Variants in NAA15 observed in about 807,000 individuals in gnomAD.
NAA15 encodes the protein N-alpha-acetyltransferase 15, NatA auxiliary subunit, also known as N-terminal acetyltransferase.
In NAA15, 34 loss-of-function variants were observed where a neutral mutation model predicts 114.0. The ratio of observed to expected loss-of-function variants is 0.30; its 90% CI spans 0.23 to 0.40. The LOEUF is 0.40. Among genes scored for constraint, NAA15 ranks in the 10% least tolerant of loss-of-function variants. The pLI, the probability that NAA15 is intolerant of heterozygous loss-of-function variation, is 1.00. For synonymous variants in NAA15, 340 were observed against 338.0 expected, an observed-to-expected ratio of 1.01 and a Z score of -0.06; for missense variants, 658 against 1,004.5, an observed-to-expected ratio of 0.66 and a Z score of 4.66.
chr4:139,376,583 A>T, intron 16 of NAA15, 110 bp downstream of exon 16: 1 of 704,434 alleles, frequency 1.4e-6, no homozygotes, highest in East Asian at 2.6e-5. Flanking sequence ...GCAAATGCCA[A>T]CGCAGCTTTC....
At chr4:139,366,607 T>G (rs1159812387) in intron 14 of NAA15, among the ~76,000 whole-genome samples, 6 of 151,140 alleles carry the variant, frequency 4.0e-5, no homozygotes, top group South Asian at 2.1e-4. Flanking sequence ...TTTTGGGTTT[T>G]TTTTTTTTTT....
At chr4:139,312,202 A>G (rs1305318454) in intron 1 of NAA15, among the ~76,000 whole-genome samples, 1 of 151,954 alleles carries the variant, frequency 6.6e-6, no homozygotes, top group Non-Finnish European at 1.5e-5. Context: ...TTAGTGAGAA[A>G]TAGTTCTGAA....
chr4:139,315,055 GTTTA>G (rs1560953047), intron 1 of NAA15, among the ~76,000 whole-genome samples: 2,074 of 127,324 alleles, frequency 0.016, 135 homozygotes, highest in Middle Eastern at 0.05. Flanking sequence ...GGTTAGGTTA[GTTTA>G]GTTTAGTTTA....
At chr4:139,315,001 T>TTCAGGTTAGGTTAGGTTAGGTTAGG (rs1181192026) in intron 1 of NAA15, among the ~76,000 whole-genome samples, 5 of 74,346 alleles carry the variant, frequency 6.7e-5, no homozygotes. Flanking sequence ...TTCAGTTCAG[T>TTCAGGTTAGGTTAGGTTAGGTTAGG]TTAGTTTAGG....
Position 139,351,447 on chromosome 4 carries a change from T to C in NAA15, c.908-58T>C, listed in dbSNP as rs1012663772. ...AGTTGGTAAATGTAAGTAAATACTT[T>C]GGTAAATGTAAGTAAATACTTGATA... On this transcript the variant is annotated intron_variant, in intron 8 of 19. Coordinates refer to ENST00000296543, the MANE Select transcript of NAA15 (RefSeq NM_057175.5). The C allele has an allele frequency of 1.0e-5, 12 of 1,154,258 alleles. No homozygotes were observed. The Admixed American group carries it at 1.7e-4, about 16-fold the overall frequency. The allele number at this position is 1,154,258 out of a possible 1,614,324, so 71.5% of individuals were successfully genotyped here. A position where few individuals can be genotyped will look rare whatever the true frequency, so the allele number is the denominator to read the frequency against.
chr4:139,359,826 A>G lies in NAA15; in HGVS notation c.1341A>G (p.Lys447=), dbSNP rs778161401. The change falls in exon 12 of 20, where the codon AAA becomes AAG. Residue 447 remains lysine, a synonymous_variant. Coordinates refer to ENST00000296543, the MANE Select transcript of NAA15 (RefSeq NM_057175.5). ...CAGCAGACAGATTTATCAACTCCAA[A>G]TGTGCAAAATACATGCTAAAAGCCA... ...LDTADRFINS[K]CAKYMLKANL... 1 of 1,607,756 alleles carries G rather than the reference A, an allele frequency of 6.2e-7. No individual in the cohort carries two copies. The highest frequency in any genetic ancestry group is 1.1e-5 in the South Asian group (1 of 89,354).
Position 139,347,069 on chromosome 4 carries a change from A to T in NAA15, c.692-2393A>T, listed in dbSNP as rs184418095. Among the ~76,000 whole-genome samples, 4 of 150,456 alleles carry T rather than the reference A, an allele frequency of 2.7e-5. No homozygotes were observed. The East Asian group carries it at 7.8e-4, about 29-fold the overall frequency. Reference sequence around the variant, plus strand: ...ACTACAGGTGCGAACCATCGTACTCAGCTATGGGTTATTTTTAGTGTTTTT... The same window carrying T: ...ACTACAGGTGCGAACCATCGTACTCTGCTATGGGTTATTTTTAGTGTTTTT... On this transcript the variant is annotated intron_variant, in intron 6 of 19. Coordinates refer to ENST00000296543, the MANE Select transcript of NAA15 (RefSeq NM_057175.5).
intron 1 of NAA15, among the ~76,000 whole-genome samples, chr4:139,321,810 T>A (rs11726301): frequency 6.6e-6 from 1 of 152,046 alleles, no homozygotes; most frequent in Admixed American, 6.6e-5. Flanking sequence ...GTTGCCTTTG[T>A]GTTTTGCTTT....
At chr4:139,312,097 C>T (rs528408432) in intron 1 of NAA15, among the ~76,000 whole-genome samples, 1 of 152,024 alleles carries the variant, frequency 6.6e-6, no homozygotes, top group Non-Finnish European at 1.5e-5. Context: ...AGTCACATAA[C>T]AGTGAGCTTA....
At chr4:139,359,998 C>T (rs1748082572) in intron 12 of NAA15, 103 bp downstream of exon 12, 3 of 1,075,154 alleles carry the variant, frequency 2.8e-6, no homozygotes, top group African/African-American at 3.3e-5. Context: ...ATATTTTTGA[C>T]ACCGTAATAG....
At chr4:139,315,724 C>T (rs1036345664) in intron 1 of NAA15, among the ~76,000 whole-genome samples, 8 of 151,502 alleles carry the variant, frequency 5.3e-5, no homozygotes, top group Admixed American at 2.0e-4. Context: ...TTGATCTCAT[C>T]TTTGGTTTAT....
intron 1 of NAA15, 102 bp downstream of exon 1, chr4:139,301,933 G>A: frequency 7.8e-7 from 1 of 1,285,840 alleles, no homozygotes; most frequent in Non-Finnish European, 1.1e-6. Context: ...CTCCCGCCCG[G>A]GACCCCGCCT....
chr4:139,336,871 A>T lies in NAA15; in HGVS notation c.163A>T (p.Thr55Ser). Residue 55 changes from threonine (T) to serine (S), a missense_variant, in exon 3 of 20, where the codon ACA (threonine) becomes TCA (serine). By Grantham distance (58) the Thr-to-Ser change is moderately conservative. Transcript: ENST00000296543. ...HGETLAMKGL[T>S]LNCLGKKEEA... ...AGAAACCTTGGCTATGAAAGGATTA[A>T]CATTGAACTGTTTGGGGAAAAAGGA... The T allele has an allele frequency of 6.3e-7, 1 of 1,593,636 alleles. No homozygotes were observed.
chr4:139,337,258 T>A (rs2110902746), intron 3 of NAA15, among the ~76,000 whole-genome samples: 1 of 152,306 alleles, frequency 6.6e-6, no homozygotes, highest in Admixed American at 6.5e-5. Context: ...ACCCCATTTG[T>A]TGAAAACTAA....
chr4:139,368,721 G>T (rs141556672), intron 14 of NAA15, among the ~76,000 whole-genome samples: 1,801 of 152,276 alleles, frequency 0.012, 12 homozygotes, highest in East Asian at 0.029. Context: ...GAGGTGGCGG[G>T]GGTGGAGGGG....
chr4:139,331,431 GT>G (rs1160333791), intron 1 of NAA15, among the ~76,000 whole-genome samples: 2 of 150,148 alleles, frequency 1.3e-5, no homozygotes, highest in Non-Finnish European at 3.0e-5. Flanking sequence ...TATATCACAA[GT>G]TTTTTTTTCT....
chr4:139,341,391 C>T (rs1251565268), intron 4 of NAA15, among the ~76,000 whole-genome samples: 1 of 151,394 alleles, frequency 6.6e-6, no homozygotes, highest in East Asian at 2.0e-4. Context: ...GTCAGGAGAT[C>T]GAGACCATCC....
Position 139,370,308 on chromosome 4 carries a change from A to G in NAA15, c.1851A>G (p.Lys617=). Residue 617 remains lysine, a synonymous_variant, in exon 15 of 20, where the codon AAA becomes AAG. Transcript: ENST00000296543. The stretch of plus-strand genomic sequence containing the variant: ...AAGAAGAGAAAAAAAATGCAGAAAA[A>G]GAAAAGCAGCAGAGAAATCAGAAAA... ...QIEEEKKNAE[K]EKQQRNQKKK... 6.3e-7 allele frequency: 1 copy of G among 1,599,452 alleles called. No homozygotes were observed. The highest frequency in any genetic ancestry group is 1.7e-5 in the Admixed American group (1 of 58,154).
intron 1 of NAA15, 142 bp from the exon 2 acceptor site, chr4:139,334,032 T>A: frequency 6.8e-6 from 4 of 587,886 alleles, no homozygotes; most frequent in Non-Finnish European, 1.2e-5. Context: ...CCTTTTGTAT[T>A]TTTTATTGGC....
Sources: allele counts gnomAD v4.1 joint callset (sites outside exome capture counted in the v4.1 genomes callset), GRCh38; gene constraint gnomAD v4.1.1; transcripts MANE v1.5; gene names NCBI Gene and HGNC (gene_info 2026-07-23, HGNC 2026-07-21).